Variants in HECW2 observed in about 807,000 individuals in gnomAD.
HECW2 encodes the protein HECT, C2 and WW domain containing E3 ubiquitin protein ligase 2.
In HECW2, 61 loss-of-function variants were observed where a neutral mutation model predicts 175.2. That is an observed-to-expected ratio of 0.35 (90% CI 0.28 to 0.43). HECW2 has a LOEUF of 0.43. Among genes scored for constraint, HECW2 ranks in the 20% least tolerant of loss-of-function variants. The pLI is 1.00. For synonymous variants in HECW2, 671 were observed against 731.0 expected, an observed-to-expected ratio of 0.92 and a Z score of 1.32; for missense variants, 1,524 against 2,000.5, an observed-to-expected ratio of 0.76 and a Z score of 4.54.
chr2:196,237,658 CATTT>C (rs1220943683), intron 21 of HECW2, among the ~76,000 whole-genome samples: 1 of 152,140 alleles, frequency 6.6e-6, no homozygotes, highest in African/African-American at 2.4e-5. Flanking sequence ...TATTCTTCCC[CATTT>C]ATTTATGTAT....
At chr2:196,325,263 T>C (rs1692106090) in intron 5 of HECW2, 114 bp from the exon 6 acceptor site, 1 of 700,088 alleles carries the variant, frequency 1.4e-6, no homozygotes, top group African/African-American at 1.8e-5. Flanking sequence ...TCATATGTCC[T>C]GATTAGAACA....
intron 2 of HECW2, among the ~76,000 whole-genome samples, chr2:196,392,708 C>G (rs1286235761): frequency 1.3e-5 from 2 of 151,946 alleles, no homozygotes; most frequent in Non-Finnish European, 2.9e-5. Context: ...AAAAGCAATA[C>G]AAATCAACAC....
intron 14 of HECW2, among the ~76,000 whole-genome samples, chr2:196,279,347 C>A (rs563855826): frequency 6.6e-6 from 1 of 152,146 alleles, no homozygotes; most frequent in South Asian, 2.1e-4. Flanking sequence ...CGCGCCTGGC[C>A]GAAACTTTTA....
intron 1 of HECW2, among the ~76,000 whole-genome samples, chr2:196,444,708 G>A (rs1180932615): frequency 6.6e-6 from 1 of 152,192 alleles, no homozygotes; most frequent in African/African-American, 2.4e-5. Context: ...AACCAAGTTG[G>A]ACAAGGGTGA....
chr2:196,267,465 T>C (rs1210310200), intron 17 of HECW2, among the ~76,000 whole-genome samples: 1 of 152,204 alleles, frequency 6.6e-6, no homozygotes, highest in African/African-American at 2.4e-5. Flanking sequence ...CTACCCATTT[T>C]ACAGATGTGG....
At chr2:196,497,090 A>G (rs1687418990) in intron 1 of HECW2, among the ~76,000 whole-genome samples, 1 of 152,200 alleles carries the variant, frequency 6.6e-6, no homozygotes, top group African/African-American at 2.4e-5. Flanking sequence ...GGAGGGAGAA[A>G]GGTGAATACA....
chr2:196,549,119 T>C (rs1242676414), intron 1 of HECW2, among the ~76,000 whole-genome samples: 1 of 152,230 alleles, frequency 6.6e-6, no homozygotes, highest in Non-Finnish European at 1.5e-5. Context: ...ATGATAGTCA[T>C]TTTATCCTCT....
chr2:196,306,316 C>T (rs187365473), intron 13 of HECW2, among the ~76,000 whole-genome samples, 172 bp downstream of exon 13: 5 of 152,286 alleles, frequency 3.3e-5, no homozygotes, highest in Non-Finnish European at 4.4e-5. Context: ...TGAACTCAAA[C>T]GGTTTCTTTG....
At chr2:196,479,044 C>T (rs1686756920) in intron 1 of HECW2, among the ~76,000 whole-genome samples, 1 of 152,212 alleles carries the variant, frequency 6.6e-6, no homozygotes, top group African/African-American at 2.4e-5. Flanking sequence ...CAGCTCACTC[C>T]ACTGGGATGC....
chr2:196,247,143 TG>T (rs1245602897), intron 19 of HECW2, among the ~76,000 whole-genome samples: 1 of 151,712 alleles, frequency 6.6e-6, no homozygotes, highest in South Asian at 2.1e-4. Context: ...CCCAGCTACT[TG>T]GGGGGCTGAG....
intron 15 of HECW2, among the ~76,000 whole-genome samples, chr2:196,277,826 T>C (rs1382522070): frequency 6.6e-6 from 1 of 151,692 alleles, no homozygotes; most frequent in Non-Finnish European, 1.5e-5. Flanking sequence ...ATGTCCTTTG[T>C]AGGGACATGG....
At chr2:196,270,207 T>TA (rs888116057) in intron 17 of HECW2, among the ~76,000 whole-genome samples, 4 of 81,286 alleles carry the variant, frequency 4.9e-5, no homozygotes, top group Non-Finnish European at 2.5e-5. Context: ...CACACTTAGA[T>TA]AGAGAAATAC....
intron 19 of HECW2, among the ~76,000 whole-genome samples, chr2:196,243,342 T>C (rs2105887845): frequency 6.6e-6 from 1 of 151,852 alleles, no homozygotes. Context: ...TAATTTTGTA[T>C]TTTTAGTAGG....
At chr2:196,338,313 T>C (rs1320136338) in intron 3 of HECW2, among the ~76,000 whole-genome samples, 1 of 152,230 alleles carries the variant, frequency 6.6e-6, no homozygotes, top group African/African-American at 2.4e-5. Flanking sequence ...GAATAAAATA[T>C]TTCCAGATAG....
chr2:196,275,416 C>G (rs146181048), intron 15 of HECW2, among the ~76,000 whole-genome samples: 7 of 152,196 alleles, frequency 4.6e-5, no homozygotes, highest in African/African-American at 1.7e-4. Flanking sequence ...TATTTTTATT[C>G]ATTTGTAGTA....
At chr2:196,403,148 C>A (rs1694868494) in intron 2 of HECW2, among the ~76,000 whole-genome samples, 1 of 152,032 alleles carries the variant, frequency 6.6e-6, no homozygotes, top group Non-Finnish European at 1.5e-5. Context: ...CCACTGATGA[C>A]CAATTTTAAC....
chr2:196,343,961 G>T (rs954302579), intron 2 of HECW2, among the ~76,000 whole-genome samples, 197 bp from the exon 3 acceptor site: 2 of 152,186 alleles, frequency 1.3e-5, no homozygotes, highest in Non-Finnish European at 2.9e-5. Flanking sequence ...AGAAGGCTGG[G>T]GGGAAAGAAG....
chr2:196,346,662 T>C (rs1216343764), intron 2 of HECW2, among the ~76,000 whole-genome samples: 1 of 152,162 alleles, frequency 6.6e-6, no homozygotes, highest in Non-Finnish European at 1.5e-5. Flanking sequence ...TATATCTCTG[T>C]AACTCTGCCT....
intron 1 of HECW2, among the ~76,000 whole-genome samples, chr2:196,487,404 C>A (rs1410107251): frequency 2.6e-5 from 4 of 152,164 alleles, no homozygotes; most frequent in Non-Finnish European, 5.9e-5. Flanking sequence ...TCGCTCCATC[C>A]CCAATCTCTG....
Sources: allele counts gnomAD v4.1 joint callset (sites outside exome capture counted in the v4.1 genomes callset), GRCh38; gene constraint gnomAD v4.1.1; transcripts MANE v1.5; gene names NCBI Gene and HGNC (gene_info 2026-07-23, HGNC 2026-07-21).